The following HCN1 variants were observed in gnomAD, a reference collection of about 807,000 sequenced individuals.
HCN1 encodes hyperpolarization activated cyclic nucleotide gated potassium channel 1.
Under a neutral mutation model 78.9 loss-of-function variants are expected in HCN1, and 13 were observed. The observed-to-expected ratio is 0.16, with a 90% CI of 0.11 to 0.26. The LOEUF (loss-of-function observed/expected upper bound fraction) is 0.26. Among genes scored for constraint, HCN1 ranks in the 10% least tolerant of loss-of-function variants. The probability of loss-of-function intolerance (pLI) is 1.00; values close to 1 mark genes in which losing one functional copy is unlikely to be tolerated. For missense variants in HCN1, 810 were observed against 1,154.3 expected (o/e 0.70, Z 4.32); for synonymous variants, 552 against 455.5 (o/e 1.21, Z -2.70).
chr5:45,666,558 C>G (rs1746053315), intron 1 of HCN1, among the ~76,000 whole-genome samples: 1 of 152,004 alleles, frequency 6.6e-6, no homozygotes, highest in Admixed American at 6.6e-5. Flanking sequence ...GTAATACATT[C>G]CCTGAATCAT....
chr5:45,628,532 G>C (rs1419123983), intron 2 of HCN1, among the ~76,000 whole-genome samples: 1 of 152,004 alleles, frequency 6.6e-6, no homozygotes, highest in African/African-American at 2.4e-5. Context: ...TACAATTCAG[G>C]ATAAAATGCT....
intron 3 of HCN1, among the ~76,000 whole-genome samples, chr5:45,459,051 C>A (rs1238647897): frequency 6.6e-6 from 1 of 151,898 alleles, no homozygotes; most frequent in African/African-American, 2.4e-5. Context: ...CATCAAGATT[C>A]TCTCTTGATT....
At chr5:45,610,793 C>A (rs1403440485) in intron 2 of HCN1, among the ~76,000 whole-genome samples, 1 of 151,250 alleles carries the variant, frequency 6.6e-6, no homozygotes, top group African/African-American at 2.4e-5. Context: ...TTGTAATAGT[C>A]AAATTACTTC....
At chr5:45,448,996 C>A (rs1200978253) in intron 3 of HCN1, among the ~76,000 whole-genome samples, 1 of 152,108 alleles carries the variant, frequency 6.6e-6, no homozygotes, top group African/African-American at 2.4e-5. Context: ...TGCCTGTAGT[C>A]CCAGTTACTC....
At chr5:45,401,756 G>A (rs115946927) in intron 3 of HCN1, among the ~76,000 whole-genome samples, 2,398 of 151,174 alleles carry the variant, frequency 0.016, 65 homozygotes, top group African/African-American at 0.055. Flanking sequence ...AAATCAACAG[G>A]TCTCCATATA....
intron 2 of HCN1, among the ~76,000 whole-genome samples, chr5:45,486,772 A>G (rs1741772855): frequency 6.6e-6 from 1 of 152,154 alleles, no homozygotes; most frequent in Non-Finnish European, 1.5e-5. Flanking sequence ...ATAATATCAC[A>G]AGAAAAGATA....
At chr5:45,581,147 C>G (rs1056606888) in intron 2 of HCN1, among the ~76,000 whole-genome samples, 1 of 152,148 alleles carries the variant, frequency 6.6e-6, no homozygotes, top group Non-Finnish European at 1.5e-5. Context: ...AGTTTACAGT[C>G]CCACCAACAG....
intron 1 of HCN1, among the ~76,000 whole-genome samples, chr5:45,688,521 C>T (rs1022854665): frequency 6.6e-6 from 1 of 152,086 alleles, no homozygotes; most frequent in Non-Finnish European, 1.5e-5. Context: ...TTGCTTTCAT[C>T]TGAATTTATT....
rs187774233 is a variant in HCN1, at chr5:45,496,797, G to C, written c.850-34790C>G. ...TCTAGTTCTTCTAATCGTGATGTTA[G>C]GGTGTAAATTTTGGATCTTTCCTGC... On this transcript the variant is annotated intron_variant, in intron 2 of 7. Coordinates refer to ENST00000303230, the MANE Select transcript of HCN1 (RefSeq NM_021072.4). 1.8e-4 allele frequency among the ~76,000 whole-genome samples: 27 copies of C among 152,204 alleles called. No individual in the cohort carries two copies. In the East Asian group the frequency reaches 4.8e-3, roughly 27 times the overall value.
Position 45,262,544 on chromosome 5 carries a change from T to A in HCN1, c.2050A>T (p.Ser684Cys). The stretch of plus-strand genomic sequence containing the variant: ...GCTGATGGCTGGGGGGTCTGTGTGC[T>A]GGGACTGGGGGAGTGCAGGTTGCTG... ...SHSNLHSPSPSTQTPQPSAIL... is the reference protein window; with the variant it reads ...SHSNLHSPSPCTQTPQPSAIL... Residue 684 changes from serine to cysteine, a missense_variant, in exon 8 of 8, where the codon AGC (serine) becomes TGC (cysteine). By Grantham distance (112) the Ser-to-Cys change is moderately radical. This residue lies in a region of HCN1 where 398 missense variants were observed against 381.3 expected (regional missense o/e 1.04). Transcript: ENST00000303230. 1 of 1,613,268 alleles carries A rather than the reference T, an allele frequency of 6.2e-7. No homozygotes were observed. Among genetic ancestry groups the A allele is most frequent in the Non-Finnish European group, 8.5e-7 (1 of 1,179,830 alleles).
chr5:45,256,395 G>GT lies in HCN1; in HGVS notation c.*5525dup, dbSNP rs1328841781. On this transcript the variant is annotated 3_prime_UTR_variant, in exon 8 of 8. Transcript: ENST00000303230. ...CTTAAAAAAAAAAAAAAAAAAAGAT[G>GT]TTTCCCTTTGGGAGTAAATGGCCAT... The GT allele has an allele frequency of 7.0e-6, 1 of 142,806 alleles. No homozygotes were observed. The highest frequency in any genetic ancestry group is 2.8e-5 in the African/African-American group (1 of 35,602). The allele number at this position is 142,806 out of a possible 1,614,324, so 8.8% of individuals were successfully genotyped here. A position where few individuals can be genotyped will look rare whatever the true frequency, so the allele number is the denominator to read the frequency against.
intron 6 of HCN1, among the ~76,000 whole-genome samples, chr5:45,293,311 C>A (rs1285287293): frequency 1.3e-5 from 2 of 151,878 alleles, no homozygotes; most frequent in African/African-American, 2.4e-5. Flanking sequence ...GAGATGTTAT[C>A]TCATTGTGGT....
Position 45,262,833 on chromosome 5 carries a change from C to T in HCN1, c.1784-23G>A, listed in dbSNP as rs763526905. On this transcript the variant is annotated intron_variant, in intron 7 of 7. Coordinates refer to ENST00000303230, the MANE Select transcript of HCN1 (RefSeq NM_021072.4). ...TTCCTGTCAGCAAAAGAAAGATAGG[C>T]ACTTAGAAAGCCTACCAATGACTGA... 12 of 1,612,062 alleles carry T rather than the reference C, an allele frequency of 7.4e-6. No individual in the cohort carries two copies. In the Admixed American group the frequency reaches 1.0e-4, roughly 13 times the overall value.
At chr5:45,659,105 C>T (rs1409614030) in intron 1 of HCN1, among the ~76,000 whole-genome samples, 2 of 152,128 alleles carry the variant, frequency 1.3e-5, no homozygotes, top group Non-Finnish European at 1.5e-5. Flanking sequence ...AGCTAGAGAT[C>T]TGAGAACGGG....
rs1287517341 is a variant in HCN1, at chr5:45,296,688, T to C, written c.1618+6911A>G. On this transcript the variant is annotated intron_variant, in intron 6 of 7. Transcript: ENST00000303230. ...GCAACTGTAGCTCTTGGAAAATATA[T>C]TTTTTAAGATTCTCTAGGAAGACTG... Among the ~76,000 whole-genome samples, 4 of 151,970 alleles carry C rather than the reference T, an allele frequency of 2.6e-5. No homozygotes were observed. In the East Asian group the frequency reaches 7.8e-4, roughly 30 times the overall value.
intron 6 of HCN1, among the ~76,000 whole-genome samples, chr5:45,273,492 T>C (rs1744997567): frequency 2.0e-5 from 3 of 152,132 alleles, no homozygotes. Context: ...TCAAACGTTT[T>C]GCAACTCAGA....
intron 5 of HCN1, among the ~76,000 whole-genome samples, chr5:45,321,146 C>T (rs80081390): frequency 0.033 from 5,038 of 151,666 alleles, 305 homozygotes; most frequent in African/African-American, 0.11. Flanking sequence ...GTTTCCTCAA[C>T]GGTATCTCTG....
intron 2 of HCN1, among the ~76,000 whole-genome samples, chr5:45,533,491 C>G (rs1742901336): frequency 6.6e-6 from 1 of 152,190 alleles, no homozygotes; most frequent in African/African-American, 2.4e-5. Context: ...TGATGCCCAG[C>G]TCTTCCTTTG....
At chr5:45,579,087 T>G (rs2111916539) in intron 2 of HCN1, among the ~76,000 whole-genome samples, 1 of 152,206 alleles carries the variant, frequency 6.6e-6, no homozygotes, top group East Asian at 1.9e-4. Flanking sequence ...TATAAGTATC[T>G]GTTTATAAAA....
Sources: gnomAD v4.1 joint callset for allele counts (sites outside exome capture counted in the v4.1 genomes callset) on GRCh38, gnomAD v4.1.1 for gene constraint, gnomAD v4.1.1 regional missense constraint, MANE v1.5 for transcripts, NCBI Gene and HGNC (gene_info 2026-07-23, HGNC 2026-07-21) for gene names.